The following KCNK9 variants were observed in gnomAD, a reference collection of about 807,000 sequenced individuals.
The protein encoded by KCNK9 is potassium two pore domain channel subfamily K member 9.
KCNK9 carries 1 observed loss-of-function variant against 10.8 expected under a neutral mutation model. The observed-to-expected ratio is 0.09, with a 90% confidence interval of 0.03 to 0.44. The LOEUF is 0.44. KCNK9 is among the 20% of genes least tolerant of loss of function. KCNK9 has a pLI of 0.97. For synonymous variants in KCNK9, 231 were observed against 222.7 expected (o/e 1.04, Z -0.33); for missense variants, 303 against 515.0 (o/e 0.59, Z 3.98).
chr8:139,690,802 G>C (rs532122805), intron 1 of KCNK9, among the ~76,000 whole-genome samples: 1 of 152,188 alleles, frequency 6.6e-6, no homozygotes, highest in African/African-American at 2.4e-5. Context: ...AGATCTCTCA[G>C]AGCCTCATCA....
At chr8:139,622,081 T>C (rs1427567268) in intron 1 of KCNK9, among the ~76,000 whole-genome samples, 2 of 152,230 alleles carry the variant, frequency 1.3e-5, no homozygotes, top group African/African-American at 4.8e-5. Context: ...TCAATTCTCC[T>C]GCCGTCTTAC....
intron 1 of KCNK9, among the ~76,000 whole-genome samples, chr8:139,630,467 G>A (rs1300152117): frequency 3.3e-5 from 5 of 152,104 alleles, no homozygotes; most frequent in African/African-American, 7.2e-5. Flanking sequence ...TAATCCTAGA[G>A]CCACACAGCA....
chr8:139,603,445 C>T (rs1192373019), intron 2 of KCNK9, among the ~76,000 whole-genome samples: 1 of 152,178 alleles, frequency 6.6e-6, no homozygotes, highest in East Asian at 1.9e-4. Flanking sequence ...GCCTCATCCA[C>T]GACTGCCCTC....
Position 139,703,063 on chromosome 8 carries a change from G to A in KCNK9, c.-71C>T, listed in dbSNP as rs1304483421. ...ACAGCCGCGCGCGTCCCACTGCAGC[G>A]CCCGGCGGCCGCCGCCGCCTCCTCC... On this transcript the variant is annotated 5_prime_UTR_variant, in exon 1 of 2. Transcript: ENST00000520439. This position sits in a 1 kb window ranked among gnomAD's most constrained non-coding sequence, Gnocchi z 6.4. 21 of 1,300,028 alleles carry A rather than the reference G, an allele frequency of 1.6e-5. No individual in the cohort carries two copies. Among genetic ancestry groups the A allele is most frequent in the Non-Finnish European group, 2.0e-5 (20 of 1,025,586 alleles). 80.5% of individuals were successfully genotyped at this position (1,300,028 alleles called of 1,614,324 possible). A position where few individuals can be genotyped will look rare whatever the true frequency, so the allele number is the denominator to read the frequency against.
intron 1 of KCNK9, among the ~76,000 whole-genome samples, chr8:139,637,085 G>T (rs1815360160): frequency 6.6e-6 from 1 of 152,248 alleles, no homozygotes; most frequent in Non-Finnish European, 1.5e-5. Flanking sequence ...GCTTTGGAAA[G>T]CTACAACATA....
chr8:139,602,559 G>C (rs931722676), intron 2 of KCNK9, among the ~76,000 whole-genome samples: 5 of 152,138 alleles, frequency 3.3e-5, no homozygotes, highest in African/African-American at 1.2e-4. Context: ...AACTTAGCAC[G>C]CAATGCCTAC....
At position 139,618,516 on chromosome 8, in the gene KCNK9, G is replaced by T. The variant is rs1327148194; in HGVS notation, c.867C>A (p.Asp289Glu). 1.2e-6 allele frequency: 2 copies of T among 1,613,492 alleles called. No individual in the cohort carries two copies. The highest frequency in any genetic ancestry group is 1.3e-5 in the African/African-American group (1 of 74,940). ...PRPSRPRYKA[D>E]VPDLQSVCSC... Reference sequence around the variant, plus strand: ...AGCACACAGACTGCAGGTCCGGGACGTCCGCCTTGTACCTGGGCCGGCTGG... The same window carrying T: ...AGCACACAGACTGCAGGTCCGGGACTTCCGCCTTGTACCTGGGCCGGCTGG... Residue 289 changes from aspartate (D) to glutamate (E), a missense_variant, in exon 2 of 2, where the codon GAC (aspartate) becomes GAA (glutamate). Physicochemically the swap from Asp to Glu is conservative, Grantham distance 45. Transcript: ENST00000520439. The surrounding 1 kb of genome is among the most constrained non-coding windows in gnomAD (Gnocchi z 7.9).
intron 1 of KCNK9, among the ~76,000 whole-genome samples, chr8:139,655,810 A>G (rs1373376209): frequency 6.6e-6 from 1 of 152,156 alleles, no homozygotes; most frequent in Non-Finnish European, 1.5e-5. Flanking sequence ...CTAGATCATC[A>G]GGGAAGGTTT....
At chr8:139,669,854 T>C (rs1460798479) in intron 1 of KCNK9, among the ~76,000 whole-genome samples, 2 of 152,254 alleles carry the variant, frequency 1.3e-5, no homozygotes, top group Admixed American at 6.5e-5. Flanking sequence ...ATGTGTTTCT[T>C]AAATAATAAT....
intron 1 of KCNK9, among the ~76,000 whole-genome samples, chr8:139,653,877 A>G (rs548938521): frequency 4.6e-5 from 7 of 152,342 alleles, no homozygotes; most frequent in African/African-American, 1.7e-4. Context: ...TGCTTGGGGT[A>G]GCCAGGGACC....
At chr8:139,637,563 A>C (rs1563728281) in intron 1 of KCNK9, among the ~76,000 whole-genome samples, 1 of 152,196 alleles carries the variant, frequency 6.6e-6, no homozygotes, top group Non-Finnish European at 1.5e-5. Context: ...CGTCATCTAA[A>C]ACAGTCAAAC....
chr8:139,641,387 G>A (rs1815500579), intron 1 of KCNK9, among the ~76,000 whole-genome samples: 1 of 152,104 alleles, frequency 6.6e-6, no homozygotes, highest in Non-Finnish European at 1.5e-5. Flanking sequence ...AGGACATAGG[G>A]CTCAGCCCAG....
At chr8:139,651,723 A>AAC (rs1289069778) in intron 1 of KCNK9, among the ~76,000 whole-genome samples, 1 of 152,148 alleles carries the variant, frequency 6.6e-6, no homozygotes, top group Non-Finnish European at 1.5e-5. Context: ...GTTTAAAATA[A>AAC]ATATTTGTTG....
chr8:139,703,020 G>C lies in KCNK9; in HGVS notation c.-28C>G. ...CCGCCAGCAAGGAGCCGGCGCGGGG[G>C]GCATGTCCCGCAGGCTCACAGCCGC... On this transcript the variant is annotated 5_prime_UTR_variant, in exon 1 of 2. Coordinates refer to ENST00000520439, the MANE Select transcript of KCNK9 (RefSeq NM_001282534.2). This position sits in a 1 kb window ranked among gnomAD's most constrained non-coding sequence, Gnocchi z 6.4. 6.5e-7 allele frequency: 1 copy of C among 1,542,436 alleles called. No individual in the cohort carries two copies. The highest frequency in any genetic ancestry group is 8.7e-7 in the Non-Finnish European group (1 of 1,147,426).
At chr8:139,686,905 A>G (rs762899693) in intron 1 of KCNK9, among the ~76,000 whole-genome samples, 8 of 152,240 alleles carry the variant, frequency 5.3e-5, no homozygotes, top group African/African-American at 9.6e-5. Context: ...AAAGGGGCAC[A>G]CAGAGGAAAA....
At chr8:139,698,881 A>G (rs1441089864) in intron 1 of KCNK9, among the ~76,000 whole-genome samples, 1 of 152,242 alleles carries the variant, frequency 6.6e-6, no homozygotes, top group East Asian at 1.9e-4. Flanking sequence ...CAGCAGGTAC[A>G]GGCCTGGGAG....
chr8:139,684,467 T>G (rs945997418), intron 1 of KCNK9, among the ~76,000 whole-genome samples: 1 of 152,114 alleles, frequency 6.6e-6, no homozygotes, highest in Non-Finnish European at 1.5e-5. Context: ...GTCAAAAACT[T>G]TCCTAGAAGA....
In KCNK9 at chr8:139,702,239, C is replaced by T. The variant is rs1817239578; in HGVS notation, c.283+471G>A. Among the ~76,000 whole-genome samples, 1 of 152,174 alleles carries T rather than the reference C, an allele frequency of 6.6e-6. No homozygotes were observed. Among genetic ancestry groups the T allele is most frequent in the Admixed American group, 6.5e-5 (1 of 15,290 alleles). ...CTACGGAGGGTCAGTGCCTCTCACGCCCCAGGCGCACTCCCCTGCCACCTG... is the reference window on the plus strand; with the variant it reads ...CTACGGAGGGTCAGTGCCTCTCACGTCCCAGGCGCACTCCCCTGCCACCTG... On this transcript the variant is annotated intron_variant, in intron 1 of 1. Coordinates refer to ENST00000520439, the MANE Select transcript of KCNK9 (RefSeq NM_001282534.2). This position sits in a 1 kb window ranked among gnomAD's most constrained non-coding sequence, Gnocchi z 7.5.
intron 1 of KCNK9, among the ~76,000 whole-genome samples, chr8:139,654,786 A>T (rs1815974249): frequency 6.6e-6 from 1 of 152,036 alleles, no homozygotes; most frequent in South Asian, 2.1e-4. Context: ...TCACCATGCT[A>T]CCCCGGGGCC....
Sources: allele counts gnomAD v4.1 joint callset (sites outside exome capture counted in the v4.1 genomes callset), GRCh38; gene constraint gnomAD v4.1.1; non-coding constraint Gnocchi (gnomAD v3.1); transcripts MANE v1.5; gene names NCBI Gene and HGNC (gene_info 2026-07-23, HGNC 2026-07-21).